ABTB3: variants seen among roughly 807,000 people sequenced by gnomAD.
ABTB3 encodes the protein ankyrin repeat- and BTB/POZ domain-containing protein 3.
the ABTB3 span, among the ~76,000 whole-genome samples, chr12:107,648,490 A>G: frequency 5.9e-5 from 9 of 152,196 alleles, no homozygotes; most frequent in South Asian, 1.0e-3. Flanking sequence ...GAGATAAGAT[A>G]GCAAAGTCAG....
At chr12:107,561,663 C>T in the ABTB3 span, among the ~76,000 whole-genome samples, 1 of 152,132 alleles carries the variant, frequency 6.6e-6, no homozygotes, top group African/African-American at 2.4e-5. Flanking sequence ...AACACAGACC[C>T]TTGCTCCAAG....
the ABTB3 span, among the ~76,000 whole-genome samples, chr12:107,542,835 T>C: frequency 6.6e-6 from 1 of 152,330 alleles, no homozygotes; most frequent in East Asian, 1.9e-4. Flanking sequence ...TACTTACTAT[T>C]CATTAAGTGG....
At chr12:107,339,256 A>G in the ABTB3 span, among the ~76,000 whole-genome samples, 2 of 152,256 alleles carry the variant, frequency 1.3e-5, no homozygotes, top group African/African-American at 2.4e-5. Context: ...GAAGGAAAAC[A>G]CAAGTGCAGA....
At chr12:107,373,521 G>A in the ABTB3 span, among the ~76,000 whole-genome samples, 1 of 152,170 alleles carries the variant, frequency 6.6e-6, no homozygotes. Context: ...TATCCATAAA[G>A]CATCTAAAAC....
At chr12:107,347,750 G>C in the ABTB3 span, among the ~76,000 whole-genome samples, 1 of 152,176 alleles carries the variant, frequency 6.6e-6, no homozygotes, top group Non-Finnish European at 1.5e-5. Context: ...TTTCAAGAGA[G>C]TGGGAAGAAT....
At chr12:107,505,996 T>C in the ABTB3 span, among the ~76,000 whole-genome samples, 8 of 152,228 alleles carry the variant, frequency 5.3e-5, no homozygotes, top group Non-Finnish European at 1.0e-4. Flanking sequence ...AGTGGACATA[T>C]GCATGCATGT....
chr12:107,361,658 C>A, the ABTB3 span, among the ~76,000 whole-genome samples: 1 of 152,142 alleles, frequency 6.6e-6, no homozygotes, highest in Non-Finnish European at 1.5e-5. Context: ...ATAAATAATA[C>A]CTCCTTTCTC....
the ABTB3 span, among the ~76,000 whole-genome samples, chr12:107,412,557 C>A: frequency 6.6e-6 from 1 of 152,006 alleles, no homozygotes; most frequent in Non-Finnish European, 1.5e-5. Context: ...TTCACAGGTC[C>A]GAAAACTGGG....
the ABTB3 span, among the ~76,000 whole-genome samples, chr12:107,447,424 G>C: frequency 6.6e-6 from 1 of 152,166 alleles, no homozygotes; most frequent in Non-Finnish European, 1.5e-5. Context: ...TTACAGGCTT[G>C]AGCTACCTTG....
At chr12:107,508,751 A>ATCAT in the ABTB3 span, among the ~76,000 whole-genome samples, 1 of 151,986 alleles carries the variant, frequency 6.6e-6, no homozygotes, top group African/African-American at 2.4e-5. Context: ...CCCAGCCAAG[A>ATCAT]TCATTACTCA....
At chr12:107,404,957 A>T in the ABTB3 span, among the ~76,000 whole-genome samples, 1 of 152,226 alleles carries the variant, frequency 6.6e-6, no homozygotes, top group Non-Finnish European at 1.5e-5. Flanking sequence ...ACATAGTGAG[A>T]CATGGTTTAA....
At chr12:107,395,746 A>C in the ABTB3 span, among the ~76,000 whole-genome samples, 1 of 152,170 alleles carries the variant, frequency 6.6e-6, no homozygotes, top group Admixed American at 6.5e-5. Context: ...ATCTCCATCT[A>C]GTCTTGTCCA....
the ABTB3 span, among the ~76,000 whole-genome samples, chr12:107,492,753 A>T: frequency 6.6e-6 from 1 of 152,114 alleles, no homozygotes; most frequent in South Asian, 2.1e-4. Flanking sequence ...CAGAAAAAAC[A>T]AAAAAACAGT....
the ABTB3 span, among the ~76,000 whole-genome samples, chr12:107,336,926 G>T: frequency 6.6e-6 from 1 of 152,228 alleles, no homozygotes; most frequent in African/African-American, 2.4e-5. Context: ...TCCAGAGCTT[G>T]TTGCTAACCA....
the ABTB3 span, among the ~76,000 whole-genome samples, chr12:107,546,373 G>A: frequency 6.6e-6 from 1 of 152,132 alleles, no homozygotes; most frequent in Non-Finnish European, 1.5e-5. Flanking sequence ...CAGGCTCTAA[G>A]AATGTTACCA....
At chr12:107,577,409 C>G in the ABTB3 span, among the ~76,000 whole-genome samples, 1 of 152,146 alleles carries the variant, frequency 6.6e-6, no homozygotes, top group East Asian at 1.9e-4. Flanking sequence ...CATCCTGTAA[C>G]ATTCTTTCTA....
the ABTB3 span, among the ~76,000 whole-genome samples, chr12:107,611,051 A>G: frequency 2.0e-5 from 3 of 152,176 alleles, no homozygotes; most frequent in Non-Finnish European, 4.4e-5. Flanking sequence ...TTATTTAACT[A>G]CAGCTATAAT....
At chr12:107,411,117 T>C in the ABTB3 span, among the ~76,000 whole-genome samples, 5 of 152,074 alleles carry the variant, frequency 3.3e-5, no homozygotes, top group Non-Finnish European at 7.4e-5. Context: ...CTGGCCAACA[T>C]GGCAAAACCC....
At chr12:107,377,602 C>G in the ABTB3 span, among the ~76,000 whole-genome samples, 1 of 152,204 alleles carries the variant, frequency 6.6e-6, no homozygotes, top group African/African-American at 2.4e-5. Context: ...GACTGTCAAT[C>G]TAGCTCCTCA....
Sources: gnomAD v4.1 joint callset for allele counts (sites outside exome capture counted in the v4.1 genomes callset) on GRCh38, gnomAD v4.1.1 for gene constraint, MANE v1.5 for transcripts, NCBI Gene and HGNC (gene_info 2026-07-23, HGNC 2026-07-21) for gene names.